BRINP3: variants seen among roughly 807,000 people sequenced by gnomAD.
The protein encoded by BRINP3 is BMP/retinoic acid-inducible neural-specific protein 3.
In BRINP3, 19 loss-of-function variants were observed where a neutral mutation model predicts 71.0. The observed-to-expected ratio is 0.27, with a 90% CI of 0.19 to 0.39. The LOEUF is 0.39. Among genes scored for constraint, BRINP3 ranks in the 10% least tolerant of loss-of-function variants. The probability of loss-of-function intolerance (pLI) is 1.00; values close to 1 mark genes in which losing one functional copy is unlikely to be tolerated. For synonymous variants in BRINP3, 380 were observed against 337.7 expected (o/e 1.13, Z -1.37); for missense variants, 959 against 940.8 (o/e 1.02, Z -0.25).
At chr1:190,452,718 C>T (rs1448677546) in intron 2 of BRINP3, among the ~76,000 whole-genome samples, 2 of 151,998 alleles carry the variant, frequency 1.3e-5, no homozygotes, top group Non-Finnish European at 2.9e-5. Context: ...TAGCTGGGCG[C>T]GGTGGCGGGC....
chr1:190,412,619 C>G (rs960448224), intron 2 of BRINP3, among the ~76,000 whole-genome samples: 1 of 149,962 alleles, frequency 6.7e-6, no homozygotes, highest in African/African-American at 2.4e-5. Context: ...CCCGCCACTA[C>G]GCCCGGCTAA....
intron 2 of BRINP3, among the ~76,000 whole-genome samples, chr1:190,394,977 T>C (rs1486270166): frequency 1.3e-5 from 2 of 151,726 alleles, no homozygotes; most frequent in East Asian, 1.9e-4. Flanking sequence ...AAAGATTTAG[T>C]AAATCCACTA....
At chr1:190,327,334 AAAAAAAAAAAAAAAAAGG>A (rs2103068772) in intron 2 of BRINP3, among the ~76,000 whole-genome samples, 1 of 104,428 alleles carries the variant, frequency 9.6e-6, no homozygotes, top group Admixed American at 1.1e-4. Flanking sequence ...AACAAAAAAA[AAAAAAAAAAAAAAAAAGG>A]AAAAAAAAAA....
At chr1:190,387,911 A>G (rs977142687) in intron 2 of BRINP3, among the ~76,000 whole-genome samples, 3 of 151,850 alleles carry the variant, frequency 2.0e-5, no homozygotes, top group African/African-American at 7.2e-5. Flanking sequence ...GAATTCTAAT[A>G]AATTTTAAAA....
chr1:190,453,526 C>G (rs1187526186), intron 2 of BRINP3, among the ~76,000 whole-genome samples: 1 of 151,834 alleles, frequency 6.6e-6, no homozygotes, highest in Non-Finnish European at 1.5e-5. Context: ...CTCGTCATTT[C>G]ATTTATTTAA....
At chr1:190,472,016 A>T (rs1677169610) in intron 1 of BRINP3, among the ~76,000 whole-genome samples, 1 of 151,642 alleles carries the variant, frequency 6.6e-6, no homozygotes, top group Non-Finnish European at 1.5e-5. Flanking sequence ...CATTAAAAAA[A>T]AGTTGAGTCA....
At chr1:190,320,858 C>T (rs1666192078) in intron 2 of BRINP3, among the ~76,000 whole-genome samples, 1 of 151,970 alleles carries the variant, frequency 6.6e-6, no homozygotes, top group Non-Finnish European at 1.5e-5. Context: ...GACAGTGGCC[C>T]TGGCCAAAAA....
intron 1 of BRINP3, among the ~76,000 whole-genome samples, chr1:190,465,077 C>T (rs917644393): frequency 6.6e-6 from 1 of 151,876 alleles, no homozygotes; most frequent in Non-Finnish European, 1.5e-5. Flanking sequence ...TTCCTTAAGT[C>T]GGCCCAGCAC....
chr1:190,275,232 C>A (rs1159909592), intron 3 of BRINP3, among the ~76,000 whole-genome samples: 1 of 151,546 alleles, frequency 6.6e-6, no homozygotes, highest in African/African-American at 2.4e-5. Flanking sequence ...GAGCTATTTG[C>A]AATGATATAA....
chr1:190,289,498 T>C (rs1367970017), intron 2 of BRINP3, among the ~76,000 whole-genome samples: 1 of 151,948 alleles, frequency 6.6e-6, no homozygotes, highest in Non-Finnish European at 1.5e-5. Context: ...AAGTATAAAC[T>C]TAAGTTTACA....
chr1:190,145,598 T>TG (rs753098221), intron 7 of BRINP3, among the ~76,000 whole-genome samples: 1 of 152,156 alleles, frequency 6.6e-6, no homozygotes, highest in Non-Finnish European at 1.5e-5. Context: ...GTACAACCAC[T>TG]GTGGAAACCA....
At chr1:190,442,986 C>T (rs1306435837) in intron 2 of BRINP3, among the ~76,000 whole-genome samples, 2 of 146,812 alleles carry the variant, frequency 1.4e-5, no homozygotes, top group Non-Finnish European at 3.0e-5. Flanking sequence ...AATCTCGGCT[C>T]GCTGCAAACT....
chr1:190,120,405 T>C (rs1053983365), intron 7 of BRINP3, among the ~76,000 whole-genome samples: 1 of 152,206 alleles, frequency 6.6e-6, no homozygotes, highest in Non-Finnish European at 1.5e-5. Context: ...TTATGACACA[T>C]TAATATTGTC....
At chr1:190,159,525 A>G (rs981999748) in intron 7 of BRINP3, among the ~76,000 whole-genome samples, 3 of 152,100 alleles carry the variant, frequency 2.0e-5, no homozygotes, top group Non-Finnish European at 4.4e-5. Flanking sequence ...TACTGATGCT[A>G]CAACATAGAA....
chr1:190,301,178 T>TATATATAC (rs1571682098), intron 2 of BRINP3, among the ~76,000 whole-genome samples: 4 of 41,458 alleles, frequency 9.6e-5, no homozygotes, highest in East Asian at 6.1e-4. Flanking sequence ...TATATATACA[T>TATATATAC]ATATATATGT....
chr1:190,222,346 T>TA (rs916661914), intron 6 of BRINP3, among the ~76,000 whole-genome samples: 5 of 150,414 alleles, frequency 3.3e-5, no homozygotes, highest in East Asian at 2.0e-4. Context: ...AGAAGGCAAT[T>TA]AAAAAAAACA....
At chr1:190,124,108 T>C (rs1653897365) in intron 7 of BRINP3, among the ~76,000 whole-genome samples, 1 of 152,182 alleles carries the variant, frequency 6.6e-6, no homozygotes. Flanking sequence ...GCAACAGTGT[T>C]GGGAGATGAG....
chr1:190,267,432 G>C (rs1385783048), intron 3 of BRINP3, among the ~76,000 whole-genome samples: 1 of 151,792 alleles, frequency 6.6e-6, no homozygotes, highest in South Asian at 2.1e-4. Flanking sequence ...AATTTTAAAG[G>C]AAAATGTTAT....
Position 190,258,419 on chromosome 1 carries a change from T to TA in BRINP3, c.618+6445dup, listed in dbSNP as rs201882300. ...TTCAAATATTAACTCATTGGAAAAA[T>TA]AAAAAAAAACAACAAAATACAGAAA... On this transcript the variant is annotated intron_variant, in intron 4 of 7. Transcript: ENST00000367462. 1.1e-3 allele frequency among the ~76,000 whole-genome samples: 155 copies of TA among 147,226 alleles called. 2 individuals are homozygous for TA. The highest frequency in any genetic ancestry group is 5.5e-3 in the South Asian group (26 of 4,692).
Sources: allele counts gnomAD v4.1 joint callset (sites outside exome capture counted in the v4.1 genomes callset), GRCh38; gene constraint gnomAD v4.1.1; transcripts MANE v1.5; gene names NCBI Gene and HGNC (gene_info 2026-07-23, HGNC 2026-07-21).